KCNC2: variants seen among roughly 807,000 people sequenced by gnomAD.
KCNC2 encodes potassium voltage-gated channel subfamily C member 2.
KCNC2 carries 21 observed loss-of-function variants against 44.5 expected under a neutral mutation model. The ratio of observed to expected loss-of-function variants is 0.47; its 90% CI spans 0.33 to 0.68. The LOEUF is 0.68. Ranked by LOEUF, KCNC2 falls within the 30% of genes least tolerant of loss-of-function variation. The pLI, the probability that KCNC2 is intolerant of heterozygous loss-of-function variation, is 0.01. For missense variants in KCNC2, 589 were observed against 826.2 expected, an observed-to-expected ratio of 0.71 and a Z score of 3.52; for synonymous variants, 391 against 339.1, an observed-to-expected ratio of 1.15 and a Z score of -1.68.
Position 75,088,560 on chromosome 12 carries a change from A to C in KCNC2, c.688-37243T>G, listed in dbSNP as rs921685669. On this transcript the variant is annotated intron_variant, in intron 2 of 4. Coordinates refer to ENST00000549446, the MANE Select transcript of KCNC2 (RefSeq NM_139137.4). ...TCTAGATAGAGCAACCATAGATCTT[A>C]GTTTGTCTTAGCCAGTCATAGTTAT... Among the ~76,000 whole-genome samples the C allele has an allele frequency of 5.3e-5, 8 of 152,056 alleles. No homozygotes were observed. In the East Asian group the frequency reaches 1.5e-3, roughly 29 times the overall value.
chr12:75,144,191 C>G (rs1191335942), intron 2 of KCNC2, among the ~76,000 whole-genome samples: 1 of 152,140 alleles, frequency 6.6e-6, no homozygotes, highest in Non-Finnish European at 1.5e-5. Context: ...AATTAATTAT[C>G]TTTTTTAAAA....
At chr12:75,109,402 G>A (rs537352859) in intron 2 of KCNC2, among the ~76,000 whole-genome samples, 3 of 152,230 alleles carry the variant, frequency 2.0e-5, no homozygotes, top group Non-Finnish European at 2.9e-5. Flanking sequence ...TATTTAGACC[G>A]TGTGGCACCC....
chr12:75,100,969 C>T (rs1427582228), intron 2 of KCNC2, among the ~76,000 whole-genome samples: 1 of 152,008 alleles, frequency 6.6e-6, no homozygotes, highest in Non-Finnish European at 1.5e-5. Context: ...AAAGAAATTA[C>T]ATTTGAAAGG....
intron 2 of KCNC2, among the ~76,000 whole-genome samples, chr12:75,061,795 C>T (rs561614659): frequency 4.6e-5 from 7 of 152,008 alleles, no homozygotes; most frequent in Non-Finnish European, 4.4e-5. Flanking sequence ...AGCAAGCCAT[C>T]ATAACTACAT....
Position 75,040,853 on chromosome 12 carries a change from T to A in KCNC2, c.*2252A>T. ...GCCCATGAAGAGTAATTCAAAGAAG[T>A]GTGGGCCTTACTTGAAACTTCAGAG... On this transcript the variant is annotated 3_prime_UTR_variant, in exon 5 of 5. Transcript: ENST00000549446. 4.2e-6 allele frequency: 2 copies of A among 478,006 alleles called. No individual in the cohort carries two copies. The highest frequency in any genetic ancestry group is 7.6e-6 in the Non-Finnish European group (2 of 263,308). The allele number at this position is 478,006 out of a possible 1,614,324, so 29.6% of individuals were successfully genotyped here.
At chr12:75,125,367 C>G (rs903039838) in intron 2 of KCNC2, among the ~76,000 whole-genome samples, 1 of 152,048 alleles carries the variant, frequency 6.6e-6, no homozygotes, top group Non-Finnish European at 1.5e-5. Context: ...TTAGACAAAC[C>G]GCTTTTGACT....
At chr12:75,147,791 A>G (rs1890127594) in intron 2 of KCNC2, among the ~76,000 whole-genome samples, 1 of 152,164 alleles carries the variant, frequency 6.6e-6, no homozygotes, top group Non-Finnish European at 1.5e-5. Flanking sequence ...AGCTCTAGCC[A>G]TGAAGAGACC....
rs543322883 is a variant in KCNC2, at chr12:75,048,391, A to T, written c.1616-74T>A. 6 of 1,260,152 alleles carry T rather than the reference A, an allele frequency of 4.8e-6. No individual in the cohort carries two copies. In the East Asian group the frequency reaches 1.3e-4, roughly 27 times the overall value. The allele number at this position is 1,260,152 out of a possible 1,614,324, so 78.1% of individuals were successfully genotyped here. A position where few individuals can be genotyped will look rare whatever the true frequency, so the allele number is the denominator to read the frequency against. On this transcript the variant is annotated intron_variant, in intron 3 of 4. Coordinates refer to ENST00000549446, the MANE Select transcript of KCNC2 (RefSeq NM_139137.4). ...GAGACAGTACAAAGAGTTTACACAG[A>T]ATGCCGGTAGTCCAGTCACTCGATA... is the stretch of plus-strand genomic sequence containing the variant.
intron 2 of KCNC2, among the ~76,000 whole-genome samples, chr12:75,109,119 T>C (rs1489896381): frequency 2.0e-5 from 3 of 152,310 alleles, no homozygotes; most frequent in East Asian, 3.9e-4. Context: ...ACACTTGCTA[T>C]ATATCTAGAG....
intron 2 of KCNC2, among the ~76,000 whole-genome samples, chr12:75,184,402 C>T (rs917160449): frequency 6.6e-6 from 1 of 152,116 alleles, no homozygotes; most frequent in Non-Finnish European, 1.5e-5. Flanking sequence ...GATAAGTAAA[C>T]TTAAGCTAAT....
rs199762430 is a variant in KCNC2, at chr12:75,048,160, G to T, written c.1773C>A (p.Ile591=). 1.6e-5 allele frequency: 25 copies of T among 1,612,418 alleles called. No individual in the cohort carries two copies. Among genetic ancestry groups the T allele is most frequent in the Non-Finnish European group, 2.1e-5 (25 of 1,179,058 alleles). ...GATTAAATGCATGCCTACCTTTCCT[G>T]ATCCCTCCATCAGAAGCACACGTGT... The part of the protein sequence containing the change: ...GDYTCASDGG[I]RKGYEKSRSL... Residue 591 remains isoleucine, a synonymous_variant, in exon 4 of 5, where the codon ATC becomes ATA. Coordinates refer to ENST00000549446, the MANE Select transcript of KCNC2 (RefSeq NM_139137.4).
intron 2 of KCNC2, among the ~76,000 whole-genome samples, chr12:75,111,987 GA>G (rs1202740606): frequency 7.0e-6 from 1 of 143,396 alleles, no homozygotes; most frequent in Non-Finnish European, 1.5e-5. Flanking sequence ...AATTCAATAG[GA>G]AAAAATTCAA....
intron 2 of KCNC2, among the ~76,000 whole-genome samples, chr12:75,061,021 C>T (rs1882265830): frequency 6.6e-6 from 1 of 152,068 alleles, no homozygotes; most frequent in African/African-American, 2.4e-5. Flanking sequence ...TTAACCACTT[C>T]CTTTCAGTTT....
rs1260222970 is a variant in KCNC2 at position 75,050,795 on chromosome 12, C to T, written c.1210G>A (p.Glu404Lys). Reference protein sequence around the residue: ...LIFATMIYYAERVGAQPNDPS... With the variant: ...LIFATMIYYAKRVGAQPNDPS... The stretch of plus-strand genomic sequence containing the variant: ...TCGTTAGGTTGAGCTCCCACTCTCT[C>T]GGCATAGTAGATCATGGTAGCAAAT... Residue 404 changes from glutamate to lysine, a missense_variant, in exon 3 of 5, where the codon GAG becomes AAG. Transcript: ENST00000549446. The T allele has an allele frequency of 1.2e-6, 2 of 1,613,302 alleles. No homozygotes were observed. The highest frequency in any genetic ancestry group is 1.3e-5 in the African/African-American group (1 of 74,746).
intron 2 of KCNC2, among the ~76,000 whole-genome samples, chr12:75,080,497 G>A (rs749545034): frequency 6.6e-6 from 1 of 152,002 alleles, no homozygotes; most frequent in South Asian, 2.1e-4. Context: ...ATAGAGTTCA[G>A]TGCAACACCA....
At chr12:75,053,141 TC>T (rs2136953719) in intron 2 of KCNC2, among the ~76,000 whole-genome samples, 1 of 152,282 alleles carries the variant, frequency 6.6e-6, no homozygotes, top group South Asian at 2.1e-4. Context: ...TCAGTTATCC[TC>T]TATTCATAAA....
At chr12:75,169,604 A>G (rs996509077) in intron 2 of KCNC2, among the ~76,000 whole-genome samples, 3 of 151,644 alleles carry the variant, frequency 2.0e-5, no homozygotes, top group Non-Finnish European at 3.0e-5. Context: ...TGTCCTATGT[A>G]TTCTATTTTA....
intron 2 of KCNC2, among the ~76,000 whole-genome samples, chr12:75,204,781 TAA>T (rs2031556136): frequency 6.6e-6 from 1 of 152,136 alleles, no homozygotes; most frequent in South Asian, 2.1e-4. Context: ...GTAAAAATAT[TAA>T]GTCACTTTTA....
chr12:75,166,861 T>C (rs1375688864), intron 2 of KCNC2, among the ~76,000 whole-genome samples: 1 of 151,008 alleles, frequency 6.6e-6, no homozygotes, highest in Non-Finnish European at 1.5e-5. Flanking sequence ...AAAGAAGCTC[T>C]CAAATAAATA....
Sources: allele counts gnomAD v4.1 joint callset (sites outside exome capture counted in the v4.1 genomes callset), GRCh38; gene constraint gnomAD v4.1.1; transcripts MANE v1.5; gene names NCBI Gene and HGNC (gene_info 2026-07-23, HGNC 2026-07-21).